Variants in GUCY1A2 observed in about 807,000 individuals in gnomAD.
GUCY1A2 encodes the protein guanylate cyclase 1 soluble subunit alpha 2, also known as guanylate cyclase soluble subunit alpha-2.
Under a neutral mutation model 63.5 loss-of-function variants are expected in GUCY1A2, and 27 were observed. The ratio of observed to expected loss-of-function variants is 0.43; its 90% CI spans 0.31 to 0.59. The LOEUF (loss-of-function observed/expected upper bound fraction) is 0.59. Ranked by LOEUF, GUCY1A2 falls within the 20% of genes least tolerant of loss-of-function variation. The pLI is 0.11. For missense variants in GUCY1A2, 768 were observed against 913.3 expected, an observed-to-expected ratio of 0.84 and a Z score of 2.05; for synonymous variants, 364 against 343.5, an observed-to-expected ratio of 1.06 and a Z score of -0.66.
At chr11:106,766,546 T>C (rs879377623) in intron 6 of GUCY1A2, among the ~76,000 whole-genome samples, 2 of 102,286 alleles carry the variant, frequency 2.0e-5, no homozygotes, top group Non-Finnish European at 4.5e-5. Context: ...TTTTCAGAGA[T>C]CTTTTTTTTG....
chr11:106,958,929 A>G (rs1861024936), intron 3 of GUCY1A2, among the ~76,000 whole-genome samples: 1 of 152,198 alleles, frequency 6.6e-6, no homozygotes, highest in African/African-American at 2.4e-5. Context: ...GATCATGAAT[A>G]TATAAAATGT....
Position 106,801,021 on chromosome 11 carries a change from G to A in GUCY1A2, c.1692+8972C>T, listed in dbSNP as rs1858587055. On this transcript the variant is annotated intron_variant, in intron 5 of 7. Transcript: ENST00000526355. ...CAGTCTATTTCACTGTTAGAAACAC[G>A]GTTTTTCTTAAGGATCTTCTACTGT... is the stretch of plus-strand genomic sequence containing the variant. Among the ~76,000 whole-genome samples the A allele has an allele frequency of 3.3e-5, 5 of 152,096 alleles. No individual in the cohort carries two copies. In the South Asian group the frequency reaches 6.2e-4, roughly 19 times the overall value.
chr11:106,739,645 G>A (rs1863655378), intron 6 of GUCY1A2, among the ~76,000 whole-genome samples: 1 of 152,098 alleles, frequency 6.6e-6, no homozygotes, highest in Non-Finnish European at 1.5e-5. Context: ...TCTCTTTTAT[G>A]CTCCTAATTA....
Position 106,710,177 on chromosome 11 carries a change from AG to A in GUCY1A2, c.1837-1512del, listed in dbSNP as rs1249904419. ...TATATTATATACATGTATATAATAT[AG>A]TTATATATATAATATATAGTTATAT... On this transcript the variant is annotated intron_variant, in intron 6 of 7. Transcript: ENST00000526355. 9.2e-4 allele frequency among the ~76,000 whole-genome samples: 78 copies of A among 84,684 alleles called. 4 individuals carry two copies. Among genetic ancestry groups the A allele is most frequent in the African/African-American group, 2.5e-3 (50 of 19,832 alleles). 55.6% of individuals were successfully genotyped at this position (84,684 alleles called of 152,430 possible). A position where few individuals can be genotyped will look rare whatever the true frequency, so the allele number is the denominator to read the frequency against.
chr11:106,930,709 CTG>C (rs1234966084), intron 4 of GUCY1A2, among the ~76,000 whole-genome samples: 1 of 152,184 alleles, frequency 6.6e-6, no homozygotes, highest in Non-Finnish European at 1.5e-5. Flanking sequence ...AAAAGTAAAA[CTG>C]TAACAAAATA....
chr11:106,722,431 A>C (rs1863332515), intron 6 of GUCY1A2, among the ~76,000 whole-genome samples: 1 of 152,128 alleles, frequency 6.6e-6, no homozygotes, highest in African/African-American at 2.4e-5. Flanking sequence ...GTGGGGTCTA[A>C]AATCACTACT....
chr11:106,727,560 A>G (rs1487906), intron 6 of GUCY1A2, among the ~76,000 whole-genome samples: 62,212 of 151,994 alleles, frequency 0.41, 13,082 homozygotes, highest in Middle Eastern at 0.49. Context: ...TACTAAACAC[A>G]GTACTCAGGT....
chr11:107,013,753 G>A lies in GUCY1A2; in HGVS notation c.303+4000C>T, dbSNP rs1448743728. On this transcript the variant is annotated intron_variant, in intron 1 of 7. Transcript: ENST00000526355. ...TTTATTATTATGGCTGCACCCCAGA[G>A]ATTCACAATGAACAAAACTACCCAA... is the stretch of plus-strand genomic sequence containing the variant. Among the ~76,000 whole-genome samples the A allele has an allele frequency of 3.3e-5, 5 of 152,200 alleles. No homozygotes were observed. The East Asian group carries it at 7.7e-4, about 24-fold the overall frequency.
intron 3 of GUCY1A2, among the ~76,000 whole-genome samples, chr11:106,945,696 G>A (rs1301035798): frequency 6.6e-6 from 1 of 152,252 alleles, no homozygotes; most frequent in Non-Finnish European, 1.5e-5. Context: ...CGGGTGCGGT[G>A]GCTTACGCCT....
intron 4 of GUCY1A2, among the ~76,000 whole-genome samples, chr11:106,927,214 A>G (rs1473862371): frequency 2.0e-5 from 3 of 151,552 alleles, no homozygotes; most frequent in Non-Finnish European, 4.4e-5. Context: ...TCTACTAAAA[A>G]TACAAAAAGT....
At chr11:106,936,939 CA>C (rs1860686523) in intron 4 of GUCY1A2, among the ~76,000 whole-genome samples, 1 of 152,066 alleles carries the variant, frequency 6.6e-6, no homozygotes, top group African/African-American at 2.4e-5. Context: ...AAGACAAAGT[CA>C]AATTTATCAA....
chr11:106,874,451 G>A (rs989618565), intron 4 of GUCY1A2, among the ~76,000 whole-genome samples: 1 of 152,082 alleles, frequency 6.6e-6, no homozygotes, highest in Admixed American at 6.6e-5. Flanking sequence ...CCCTCCTTCT[G>A]CCTATCTTAT....
intron 4 of GUCY1A2, among the ~76,000 whole-genome samples, chr11:106,938,439 T>C (rs1483948346): frequency 6.6e-6 from 1 of 152,172 alleles, no homozygotes; most frequent in East Asian, 1.9e-4. Context: ...CTTCTACAAC[T>C]CTTCTTTCCT....
intron 4 of GUCY1A2, among the ~76,000 whole-genome samples, chr11:106,862,561 A>G (rs1396449604): frequency 6.6e-6 from 1 of 152,072 alleles, no homozygotes; most frequent in Non-Finnish European, 1.5e-5. Context: ...GAAGGAACAA[A>G]GAAACATTTA....
chr11:106,688,811 C>A (rs17105953), intron 7 of GUCY1A2, among the ~76,000 whole-genome samples: 1,854 of 152,064 alleles, frequency 0.012, 35 homozygotes, highest in African/African-American at 0.042. Context: ...ACAGTTTCAA[C>A]AAGTGGATAA....
Position 106,680,133 on chromosome 11 carries a change from G to T in GUCY1A2, c.*7416C>A, listed in dbSNP as rs754841427. 1 of 214,836 alleles carries T rather than the reference G, an allele frequency of 4.7e-6. No individual in the cohort carries two copies. Among genetic ancestry groups the T allele is most frequent in the Non-Finnish European group, 9.4e-6 (1 of 106,608 alleles). 13.3% of individuals were successfully genotyped at this position (214,836 alleles called of 1,614,324 possible). A position where few individuals can be genotyped will look rare whatever the true frequency, so the allele number is the denominator to read the frequency against. ...TTGCTTCATCTCTTCTAAAGCTCCT[G>T]CCCACCTCACTCACTCCATTTGTCC... On this transcript the variant is annotated 3_prime_UTR_variant, in exon 8 of 8. Transcript: ENST00000526355.
intron 4 of GUCY1A2, among the ~76,000 whole-genome samples, chr11:106,864,404 C>G (rs1427496384): frequency 6.6e-6 from 1 of 151,622 alleles, no homozygotes; most frequent in African/African-American, 2.4e-5. Flanking sequence ...TTTGAATACC[C>G]TTTCTTTCTT....
intron 4 of GUCY1A2, among the ~76,000 whole-genome samples, chr11:106,835,718 G>A (rs1859107812): frequency 6.6e-6 from 1 of 151,728 alleles, no homozygotes; most frequent in Non-Finnish European, 1.5e-5. Flanking sequence ...AGAACACAAT[G>A]GAATAATATT....
intron 4 of GUCY1A2, among the ~76,000 whole-genome samples, chr11:106,918,061 A>G (rs1483255869): frequency 6.9e-6 from 1 of 144,814 alleles, no homozygotes; most frequent in Non-Finnish European, 1.5e-5. Flanking sequence ...TTCTTTAAGC[A>G]TTTAGTAGGA....
Sources: allele counts gnomAD v4.1 joint callset (sites outside exome capture counted in the v4.1 genomes callset), GRCh38; gene constraint gnomAD v4.1.1; transcripts MANE v1.5; gene names NCBI Gene and HGNC (gene_info 2026-07-23, HGNC 2026-07-21).